AK4: variants seen among roughly 807,000 people sequenced by gnomAD.
The protein encoded by AK4 is adenylate kinase 4, mitochondrial.
A neutral mutation model predicts 24.6 loss-of-function variants in AK4; 13 were observed. The observed-to-expected ratio is 0.53, with a 90% CI of 0.34 to 0.84. AK4 has a LOEUF of 0.84. Ranked by LOEUF, AK4 falls within the 40% of genes least tolerant of loss-of-function variation. AK4 has a pLI of 0.01. For missense variants in AK4, 192 were observed against 288.2 expected (o/e 0.67, Z 2.42); for synonymous variants, 88 against 107.0 (o/e 0.82, Z 1.10).
chr1:65,155,688 A>G (rs1203461888), intron 1 of AK4, among the ~76,000 whole-genome samples: 1 of 150,568 alleles, frequency 6.6e-6, no homozygotes, highest in Non-Finnish European at 1.5e-5. Context: ...GATGGAGTCT[A>G]GCCTTGCTCT....
intron 1 of AK4, among the ~76,000 whole-genome samples, chr1:65,175,637 C>A (rs899749121): frequency 1.3e-5 from 2 of 152,154 alleles, no homozygotes; most frequent in Non-Finnish European, 2.9e-5. Flanking sequence ...GGAGGCTGTT[C>A]TATGGTTTTT....
intron 1 of AK4, 123 bp from the exon 2 acceptor site, chr1:65,190,587 A>T: frequency 1.7e-6 from 2 of 1,148,950 alleles, no homozygotes; most frequent in Non-Finnish European, 2.4e-6. Flanking sequence ...AAACATGTCT[A>T]CAACTTCCTA....
intron 2 of AK4, among the ~76,000 whole-genome samples, chr1:65,215,207 C>T (rs1307292017): frequency 2.7e-5 from 4 of 149,788 alleles, no homozygotes. Flanking sequence ...GAGTCTTGCT[C>T]TGTCACCAGG....
At chr1:65,169,271 G>A (rs1433985547) in intron 1 of AK4, among the ~76,000 whole-genome samples, 3 of 151,828 alleles carry the variant, frequency 2.0e-5, no homozygotes, top group Non-Finnish European at 2.9e-5. Flanking sequence ...ACTCATGACT[G>A]AATTTCCCCA....
intron 1 of AK4, among the ~76,000 whole-genome samples, chr1:65,187,280 A>G (rs1033131635): frequency 8.0e-5 from 12 of 149,094 alleles, no homozygotes; most frequent in Admixed American, 2.7e-4. Context: ...CCCAGGAGGC[A>G]GAGCTTGCAG....
intron 2 of AK4, among the ~76,000 whole-genome samples, chr1:65,207,248 G>T (rs528968097): frequency 6.6e-6 from 1 of 151,408 alleles, no homozygotes; most frequent in Non-Finnish European, 1.5e-5. Flanking sequence ...CCTCTATCTT[G>T]CCCTGTCACC....
At chr1:65,155,650 T>C (rs1325393100) in intron 1 of AK4, among the ~76,000 whole-genome samples, 1 of 152,088 alleles carries the variant, frequency 6.6e-6, no homozygotes, top group Non-Finnish European at 1.5e-5. Context: ...AATACTTTTT[T>C]TTTTTTTTTA....
In AK4 at chr1:65,215,792, T is replaced by C. The variant is rs566650700; in HGVS notation, c.266-2962T>C. ...AGCTGAGCAGACTGGCTTGTTACCC[T>C]CATTAGACAAAGAAACTAGCCAATA... On this transcript the variant is annotated intron_variant, in intron 2 of 4. Transcript: ENST00000327299. 7.2e-5 allele frequency among the ~76,000 whole-genome samples: 11 copies of C among 152,338 alleles called. No individual in the cohort carries two copies. In the East Asian group the frequency reaches 2.1e-3, roughly 29 times the overall value.
At chr1:65,152,471 C>T (rs866410660) in intron 1 of AK4, among the ~76,000 whole-genome samples, 2 of 135,356 alleles carry the variant, frequency 1.5e-5, no homozygotes, top group Admixed American at 1.7e-4. Context: ...GGCACAGTCT[C>T]GGCTCACTGC....
intron 2 of AK4, among the ~76,000 whole-genome samples, chr1:65,215,265 G>A (rs373656621): frequency 6.6e-6 from 1 of 151,496 alleles, no homozygotes; most frequent in African/African-American, 2.4e-5. Context: ...TCCGCCTCCC[G>A]GGTTTCATTG....
chr1:65,232,043 C>G lies in AK4; in HGVS notation c.*5866C>G, dbSNP rs994043793. The G allele has an allele frequency of 6.6e-6, 1 of 152,126 alleles. No individual in the cohort carries two copies. Among genetic ancestry groups the G allele is most frequent in the African/African-American group, 2.4e-5 (1 of 41,426 alleles). 9.4% of individuals were successfully genotyped at this position (152,126 alleles called of 1,614,324 possible). A position where few individuals can be genotyped will look rare whatever the true frequency, so the allele number is the denominator to read the frequency against. ...TCCAGTCTGATCTGTATATGCTATCCTAACTGTTAATTGTATTATTGATTA... is the reference window on the plus strand; with the variant it reads ...TCCAGTCTGATCTGTATATGCTATCGTAACTGTTAATTGTATTATTGATTA... On this transcript the variant is annotated 3_prime_UTR_variant, in exon 5 of 5. Coordinates refer to ENST00000327299, the MANE Select transcript of AK4 (RefSeq NM_013410.4).
intron 3 of AK4, among the ~76,000 whole-genome samples, chr1:65,220,067 G>A (rs985982589): frequency 1.3e-5 from 2 of 152,172 alleles, no homozygotes; most frequent in African/African-American, 4.8e-5. Flanking sequence ...TTTTTTGGAG[G>A]CTTGGTAGCT....
At chr1:65,177,691 A>G (rs1156326470) in intron 1 of AK4, among the ~76,000 whole-genome samples, 1 of 152,188 alleles carries the variant, frequency 6.6e-6, no homozygotes, top group Non-Finnish European at 1.5e-5. Flanking sequence ...AGGAGGAGCA[A>G]GCATCCACTT....
Position 65,226,804 on chromosome 1 carries a change from G to A in AK4, c.*627G>A, listed in dbSNP as rs888950648. 11 of 149,166 alleles carry A rather than the reference G, an allele frequency of 7.4e-5. No homozygotes were observed. Among genetic ancestry groups the A allele is most frequent in the Middle Eastern group, 7.0e-3 (2 of 286 alleles). 9.2% of individuals were successfully genotyped at this position (149,166 alleles called of 1,614,324 possible). A position where few individuals can be genotyped will look rare whatever the true frequency, so the allele number is the denominator to read the frequency against. ...AGACATCCTGGGATGAAAGAATTTGGCTTTTTTTTTTCTTTTTTTTTTTGG... is the reference window on the plus strand; with the variant it reads ...AGACATCCTGGGATGAAAGAATTTGACTTTTTTTTTTCTTTTTTTTTTTGG... On this transcript the variant is annotated 3_prime_UTR_variant, in exon 5 of 5. Coordinates refer to ENST00000327299, the MANE Select transcript of AK4 (RefSeq NM_013410.4).
intron 2 of AK4, among the ~76,000 whole-genome samples, chr1:65,215,156 T>TTTC (rs1482586377): frequency 1.4e-5 from 2 of 147,894 alleles, no homozygotes; most frequent in Admixed American, 1.4e-4. Flanking sequence ...TTTCTTTTCT[T>TTTC]TTCTTTTCTT....
intron 1 of AK4, among the ~76,000 whole-genome samples, chr1:65,173,444 T>C (rs1650606649): frequency 6.6e-6 from 1 of 152,192 alleles, no homozygotes; most frequent in Non-Finnish European, 1.5e-5. Flanking sequence ...TCTCTAATAC[T>C]GGGTATTTTC....
intron 1 of AK4, among the ~76,000 whole-genome samples, chr1:65,170,259 T>G (rs890898440): frequency 6.6e-6 from 1 of 152,060 alleles, no homozygotes; most frequent in Non-Finnish European, 1.5e-5. Context: ...TCCCAGCTAC[T>G]CGGGAGGCTG....
intron 1 of AK4, among the ~76,000 whole-genome samples, chr1:65,190,081 T>G (rs1651241634): frequency 6.6e-6 from 1 of 152,228 alleles, no homozygotes; most frequent in Non-Finnish European, 1.5e-5. Context: ...CTTGTTACCA[T>G]AAACTGTTGA....
chr1:65,181,107 T>C (rs1472176560), intron 1 of AK4, among the ~76,000 whole-genome samples: 1 of 149,766 alleles, frequency 6.7e-6, no homozygotes, highest in East Asian at 1.9e-4. Context: ...CTAGTTTGCC[T>C]TCACTTTATA....
Sources: allele counts gnomAD v4.1 joint callset (sites outside exome capture counted in the v4.1 genomes callset), GRCh38; gene constraint gnomAD v4.1.1; transcripts MANE v1.5; gene names NCBI Gene and HGNC (gene_info 2026-07-23, HGNC 2026-07-21).